MYT1: variants seen among roughly 807,000 people sequenced by gnomAD.
MYT1 encodes the protein myelin transcription factor I.
MYT1 carries 23 observed loss-of-function variants against 123.0 expected under a neutral mutation model. The ratio of observed to expected loss-of-function variants is 0.19; its 90% CI spans 0.13 to 0.26. The LOEUF is 0.26. Ranked by LOEUF, MYT1 falls within the 10% of genes least tolerant of loss-of-function variation. The probability of loss-of-function intolerance (pLI) is 1.00; values close to 1 mark genes in which losing one functional copy is unlikely to be tolerated. For missense variants in MYT1, 1,125 were observed against 1,472.5 expected, an observed-to-expected ratio of 0.76 and a Z score of 3.86; for synonymous variants, 518 against 575.3, an observed-to-expected ratio of 0.90 and a Z score of 1.43.
At chr20:64,234,886 G>T (rs1264468981) in intron 19 of MYT1, among the ~76,000 whole-genome samples, 5 of 147,928 alleles carry the variant, frequency 3.4e-5, no homozygotes, top group African/African-American at 5.0e-5. Context: ...GGATGGCCGT[G>T]GTGGGTGACA....
In MYT1 at chr20:64,205,693, C is replaced by A. The variant is rs946828719; in HGVS notation, c.290C>A (p.Thr97Asn). The part of the protein sequence containing the change: ...YGVDSDGSED[T>N]EVKDASVSDE... ...GTGGACAGCGACGGCAGTGAGGACA[C>A]TGAGGTGAAGGACGCCTCTGTTTCG... Residue 97 changes from threonine (T) to asparagine (N), a missense_variant, in exon 6 of 23, where the codon ACT (threonine) becomes AAT (asparagine). By Grantham distance (65) the Thr-to-Asn change is moderately conservative. This residue lies in a region of MYT1 where 406 missense variants were observed against 432.2 expected (regional missense o/e 0.94). Coordinates refer to ENST00000328439, the MANE Select transcript of MYT1 (RefSeq NM_004535.3). 1 of 1,614,204 alleles carries A rather than the reference C, an allele frequency of 6.2e-7. No homozygotes were observed. Among genetic ancestry groups the A allele is most frequent in the Non-Finnish European group, 8.5e-7 (1 of 1,180,022 alleles).
At chr20:64,239,677 G>C in intron 21 of MYT1, 83 bp from the exon 22 acceptor site, 1 of 1,580,346 alleles carries the variant, frequency 6.3e-7, no homozygotes, top group South Asian at 1.2e-5. Flanking sequence ...TCTCCCAGAG[G>C]GTTGTGAGAG....
chr20:64,205,754 T>G lies in MYT1; in HGVS notation c.351T>G (p.Ala117=), dbSNP rs776865953. The part of the protein sequence containing the change: ...ESEGTLEGAE[A]ETSGQDEIHR... ...AAGGAACTCTGGAGGGGGCCGAGGC[T>G]GAGACGTCAGGACAGGACGAGATTC... Residue 117 remains alanine (A), a synonymous_variant, in exon 6 of 23, where the codon GCT becomes GCG. Coordinates refer to ENST00000328439, the MANE Select transcript of MYT1 (RefSeq NM_004535.3). 4 of 1,614,034 alleles carry G rather than the reference T, an allele frequency of 2.5e-6. No homozygotes were observed. The highest frequency in any genetic ancestry group is 3.4e-6 in the Non-Finnish European group (4 of 1,180,048).
Position 64,185,254 on chromosome 20 carries a change from G to T in MYT1, c.-98-4809G>T, listed in dbSNP as rs1418270541. On this transcript the variant is annotated intron_variant, in intron 1 of 22. Transcript: ENST00000328439. This position sits in a 1 kb window ranked among gnomAD's most constrained non-coding sequence, Gnocchi z 4.5. ...TTCATTGACAGTGGGAAGGAGGTGG[G>T]TATAAAGTCCAGATGGACAAGCTGG... 6.6e-6 allele frequency among the ~76,000 whole-genome samples: 1 copy of T among 152,196 alleles called. No individual in the cohort carries two copies. The highest frequency in any genetic ancestry group is 2.4e-5 in the African/African-American group (1 of 41,448).
chr20:64,183,401 A>G (rs970561616), intron 1 of MYT1, among the ~76,000 whole-genome samples: 1 of 152,238 alleles, frequency 6.6e-6, no homozygotes, highest in Non-Finnish European at 1.5e-5. Flanking sequence ...CTAGAGTGGA[A>G]TTCCTGAGTC....
At chr20:64,205,317 C>T (rs1474875347) in intron 5 of MYT1, among the ~76,000 whole-genome samples, 7 of 140,954 alleles carry the variant, frequency 5.0e-5, no homozygotes, top group Non-Finnish European at 8.2e-5. Flanking sequence ...CGCGAGGCAG[C>T]GACTTCCCAC....
chr20:64,232,471 C>A lies in MYT1; in HGVS notation c.2897+86C>A. The stretch of plus-strand genomic sequence containing the variant: ...TGGGGCTGAAGCTCCTGAGGGAGGG[C>A]CAGACCAGGGCTCCGTGTGACCAGA... On this transcript the variant is annotated intron_variant, in intron 19 of 22. Coordinates refer to ENST00000328439, the MANE Select transcript of MYT1 (RefSeq NM_004535.3). The surrounding 1 kb of genome is among the most constrained non-coding windows in gnomAD (Gnocchi z 6.9). The A allele has an allele frequency of 1.5e-6, 2 of 1,356,092 alleles. No homozygotes were observed. Among genetic ancestry groups the A allele is most frequent in the South Asian group, 1.2e-5 (1 of 81,758 alleles). The allele number at this position is 1,356,092 out of a possible 1,614,324, so 84.0% of individuals were successfully genotyped here.
chr20:64,189,479 C>A lies in MYT1; in HGVS notation c.-98-584C>A, dbSNP rs1416217563. On this transcript the variant is annotated intron_variant, in intron 1 of 22. Coordinates refer to ENST00000328439, the MANE Select transcript of MYT1 (RefSeq NM_004535.3). The surrounding 1 kb of genome is among the most constrained non-coding windows in gnomAD (Gnocchi z 5.5). ...GGAGAGAGGCAGAAACACAGGGTGACAAAAGATGCTGGAAACCAGGGCAAA... is the reference window on the plus strand; with the variant it reads ...GGAGAGAGGCAGAAACACAGGGTGAAAAAAGATGCTGGAAACCAGGGCAAA... 1.3e-5 allele frequency among the ~76,000 whole-genome samples: 2 copies of A among 152,128 alleles called. No individual in the cohort carries two copies. The highest frequency in any genetic ancestry group is 1.9e-4 in the East Asian group (1 of 5,190).
chr20:64,187,759 T>C (rs1982855989), intron 1 of MYT1, among the ~76,000 whole-genome samples: 1 of 152,196 alleles, frequency 6.6e-6, no homozygotes, highest in African/African-American at 2.4e-5. Flanking sequence ...TGCCAAGACA[T>C]TTCCTAGGAG....
chr20:64,236,655 G>A lies in MYT1; in HGVS notation c.2989+9G>A, dbSNP rs1350518287. On this transcript the variant is annotated intron_variant, in intron 20 of 22. Transcript: ENST00000328439. ...GTTCAAGACTAGCGACGGTAAGGAT[G>A]GCTTCCTGGATTTCCCTGCTCATGG... is the stretch of plus-strand genomic sequence containing the variant. The A allele has an allele frequency of 6.2e-7, 1 of 1,611,824 alleles. No individual in the cohort carries two copies. Among genetic ancestry groups the A allele is most frequent in the South Asian group, 1.1e-5 (1 of 91,038 alleles).
rs1244981963 is a variant in MYT1 at position 64,208,045 on chromosome 20, G to A, written c.849G>A (p.Glu283=). The change falls in exon 7 of 23, where the codon GAG becomes GAA. Residue 283 remains glutamate, a synonymous_variant. Transcript: ENST00000328439. The surrounding 1 kb of genome is among the most constrained non-coding windows in gnomAD (Gnocchi z 5.4). The part of the protein sequence containing the change: ...EDEEEEEEEE[E]EEEEEEEEEE... ...AAGAAGAGGAAGAGGAAGAGGAGGAGGAAGAGGAAGAGGAGGAGGAGGAAG... is the reference window on the plus strand; with the variant it reads ...AAGAAGAGGAAGAGGAAGAGGAGGAAGAAGAGGAAGAGGAGGAGGAGGAAG... 6.3e-7 allele frequency: 1 copy of A among 1,599,802 alleles called. No individual in the cohort carries two copies. Among genetic ancestry groups the A allele is most frequent in the South Asian group, 1.1e-5 (1 of 88,066 alleles).
At position 64,189,027 on chromosome 20, in the gene MYT1, T is replaced by C. The variant is rs1391103669; in HGVS notation, c.-98-1036T>C. On this transcript the variant is annotated intron_variant, in intron 1 of 22. Coordinates refer to ENST00000328439, the MANE Select transcript of MYT1 (RefSeq NM_004535.3). The surrounding 1 kb of genome is among the most constrained non-coding windows in gnomAD (Gnocchi z 5.5). Reference sequence around the variant, plus strand: ...GCTCTGGAAGGTAATCCGAAGCCCTTTAATGGGATGGAAGCATTTCCAGAT... The same window carrying C: ...GCTCTGGAAGGTAATCCGAAGCCCTCTAATGGGATGGAAGCATTTCCAGAT... Among the ~76,000 whole-genome samples, 1 of 152,152 alleles carries C rather than the reference T, an allele frequency of 6.6e-6. No individual in the cohort carries two copies. Among genetic ancestry groups the C allele is most frequent in the Non-Finnish European group, 1.5e-5 (1 of 68,028 alleles).
intron 3 of MYT1, 113 bp downstream of exon 3, chr20:64,199,029 G>T (rs1046603191): frequency 9.0e-7 from 1 of 1,105,844 alleles, no homozygotes; most frequent in Non-Finnish European, 1.3e-6. Flanking sequence ...GGGGACCTCA[G>T]GCCTCTTCAG....
Position 64,213,386 on chromosome 20 carries a change from G to A in MYT1, c.1518-148G>A. 1 of 618,702 alleles carries A rather than the reference G, an allele frequency of 1.6e-6. No individual in the cohort carries two copies. Among genetic ancestry groups the A allele is most frequent in the South Asian group, 2.0e-5 (1 of 50,470 alleles). 38.3% of individuals were successfully genotyped at this position (618,702 alleles called of 1,614,324 possible). A position where few individuals can be genotyped will look rare whatever the true frequency, so the allele number is the denominator to read the frequency against. On this transcript the variant is annotated intron_variant, in intron 9 of 22. Coordinates refer to ENST00000328439, the MANE Select transcript of MYT1 (RefSeq NM_004535.3). The surrounding 1 kb of genome is among the most constrained non-coding windows in gnomAD (Gnocchi z 5.6). ...AACCCCTGTCCTGCAGAATGACAGG[G>A]TTATTCCCGGCTCTGGGCTTCTCTG...
chr20:64,181,667 C>G (rs1470691345), intron 1 of MYT1, among the ~76,000 whole-genome samples: 1 of 152,154 alleles, frequency 6.6e-6, no homozygotes, highest in African/African-American at 2.4e-5. Context: ...GTCGAGGGAG[C>G]CTGAAGGAGC....
chr20:64,200,170 C>T (rs1983252975), intron 4 of MYT1, among the ~76,000 whole-genome samples: 1 of 152,210 alleles, frequency 6.6e-6, no homozygotes, highest in African/African-American at 2.4e-5. Flanking sequence ...CACGGATGTG[C>T]CTACACCTGG....
At chr20:64,209,760 G>T (rs986021607) in intron 7 of MYT1, among the ~76,000 whole-genome samples, 1 of 152,184 alleles carries the variant, frequency 6.6e-6, no homozygotes, top group Non-Finnish European at 1.5e-5. Flanking sequence ...GTGGAGACAC[G>T]AGGGACATGT....
Position 64,193,286 on chromosome 20 carries a change from C to T in MYT1, c.-1+3126C>T, listed in dbSNP as rs1004186950. On this transcript the variant is annotated intron_variant, in intron 2 of 22. Transcript: ENST00000328439. The surrounding 1 kb of genome is among the most constrained non-coding windows in gnomAD (Gnocchi z 4.0). ...AAAGCAGGATGTGTGCTGAGGTCAC[C>T]GACTTTCTATATCTGTTCTGTGGGC... is the stretch of plus-strand genomic sequence containing the variant. 6.6e-6 allele frequency among the ~76,000 whole-genome samples: 1 copy of T among 152,046 alleles called. No homozygotes were observed. The highest frequency in any genetic ancestry group is 1.5e-5 in the Non-Finnish European group (1 of 67,998).
rs529069620 is a variant in MYT1 at position 64,226,958 on chromosome 20, A to G, written c.2529-457A>G. On this transcript the variant is annotated intron_variant, in intron 16 of 22. Coordinates refer to ENST00000328439, the MANE Select transcript of MYT1 (RefSeq NM_004535.3). ...TGAGGGCAAGCTCCCAGCCCATCCA[A>G]GAAGATGAACTGGTCTTAGGCTGTG... Among the ~76,000 whole-genome samples the G allele has an allele frequency of 1.8e-4, 28 of 152,382 alleles. 1 individual carries two copies. In the South Asian group the frequency reaches 1.9e-3, roughly 10 times the overall value.
Sources: gnomAD v4.1 joint callset for allele counts (sites outside exome capture counted in the v4.1 genomes callset) on GRCh38, gnomAD v4.1.1 for gene constraint, gnomAD v4.1.1 regional missense constraint, Gnocchi (gnomAD v3.1) non-coding constraint, MANE v1.5 for transcripts, NCBI Gene and HGNC (gene_info 2026-07-23, HGNC 2026-07-21) for gene names.